The following FUNDC2 variants were observed in gnomAD, a reference collection of about 807,000 sequenced individuals.
FUNDC2 encodes FUN14 domain containing 2.
A neutral mutation model predicts 15.6 loss-of-function variants in FUNDC2; 4 were observed. That is an observed-to-expected ratio of 0.26 (90% CI 0.13 to 0.59). FUNDC2 has a LOEUF of 0.59. Ranked by LOEUF, FUNDC2 falls within the 20% of genes least tolerant of loss-of-function variation. The probability of loss-of-function intolerance (pLI) is 0.90; values close to 1 mark genes in which losing one functional copy is unlikely to be tolerated. For synonymous variants in FUNDC2, 44 were observed against 56.9 expected (o/e 0.77, Z 1.02); for missense variants, 98 against 149.7 (o/e 0.65, Z 1.80).
At chrX:155,053,178 A>G (rs1342871287) in intron 4 of FUNDC2, among the ~76,000 whole-genome samples, 1 of 112,690 alleles carries the variant, frequency 8.9e-6, no homozygotes, top group Non-Finnish European at 1.9e-5. Flanking sequence ...TGAAAACTTT[A>G]AAAATAATAC....
chrX:155,056,706 C>G lies in FUNDC2; in HGVS notation c.*2034C>G, dbSNP rs782248257. On this transcript the variant is annotated 3_prime_UTR_variant, in exon 5 of 5. Transcript: ENST00000369498. ...CCACTTTACCTGTGTGACTTACCCA[C>G]AGCAATGGGATGGTAACAGCAAAGC... The G allele has an allele frequency of 4.5e-5, 5 of 111,350 alleles. No homozygotes were observed. Among genetic ancestry groups the G allele is most frequent in the African/African-American group, 1.3e-4 (4 of 30,603 alleles). The allele number at this position is 111,350 out of a possible 1,213,427, so 9.2% of individuals were successfully genotyped here. A position where few individuals can be genotyped will look rare whatever the true frequency, so the allele number is the denominator to read the frequency against.
chrX:155,053,296 C>A, intron 4 of FUNDC2, among the ~76,000 whole-genome samples: 1 of 112,076 alleles, frequency 8.9e-6, no homozygotes, highest in East Asian at 2.8e-4. Context: ...GAATTGAGTT[C>A]ACTGTCACAG....
At chrX:155,030,181 C>T (rs1447043502) in intron 1 of FUNDC2, among the ~76,000 whole-genome samples, 5 of 109,529 alleles carry the variant, frequency 4.6e-5, no homozygotes, top group Admixed American at 9.8e-5. Context: ...TATTGTTGTA[C>T]CTCCTTTCTA....
At chrX:155,045,533 G>A (rs782221625) in intron 2 of FUNDC2, among the ~76,000 whole-genome samples, 5 of 112,171 alleles carry the variant, frequency 4.5e-5, no homozygotes, top group African/African-American at 6.5e-5. Context: ...AAAAGCTGCT[G>A]TAGGTCAGAT....
In FUNDC2 at chrX:155,056,653, A is replaced by G. The variant is rs1438741448; in HGVS notation, c.*1981A>G. 1 of 110,309 alleles carries G rather than the reference A, an allele frequency of 9.1e-6. No homozygotes were observed. The highest frequency in any genetic ancestry group is 1.9e-5 in the Non-Finnish European group (1 of 52,881). The allele number at this position is 110,309 out of a possible 1,213,427, so 9.1% of individuals were successfully genotyped here. On this transcript the variant is annotated 3_prime_UTR_variant, in exon 5 of 5. Coordinates refer to ENST00000369498, the MANE Select transcript of FUNDC2 (RefSeq NM_023934.4). ...CTCCTGACATCTGGGTCTCTGGGTT[A>G]TGCCATATATGGTGATAGTGGCTGC... is the stretch of plus-strand genomic sequence containing the variant.
intron 2 of FUNDC2, among the ~76,000 whole-genome samples, chrX:155,040,647 T>C (rs1448120349): frequency 8.9e-6 from 1 of 112,185 alleles, no homozygotes; most frequent in Non-Finnish European, 1.9e-5. Flanking sequence ...CTATGAACAT[T>C]GGGTATAAGT....
chrX:155,039,270 T>C (rs1431843229), intron 2 of FUNDC2, among the ~76,000 whole-genome samples: 1 of 112,578 alleles, frequency 8.9e-6, no homozygotes, highest in Non-Finnish European at 1.9e-5. Flanking sequence ...TTATCAGATA[T>C]ATGCTTTGCA....
At chrX:155,040,746 C>G (rs1341208604) in intron 2 of FUNDC2, among the ~76,000 whole-genome samples, 1 of 111,659 alleles carries the variant, frequency 9.0e-6, no homozygotes, top group East Asian at 2.8e-4. Flanking sequence ...TCTATGTTTA[C>G]TTTTTTGAGG....
Position 155,044,749 on chromosome X carries a change from C to T in FUNDC2, c.285-1760C>T, listed in dbSNP as rs782193430. Among the ~76,000 whole-genome samples the T allele has an allele frequency of 3.6e-5, 4 of 112,118 alleles. No individual in the cohort carries two copies. The South Asian group carries it at 1.1e-3, about 31-fold the overall frequency. ...GTGTGGAGAAAAAGGAACCCTAGTACACTGTTGGCGGGAATGTAGATTGTT... is the reference window on the plus strand; with the variant it reads ...GTGTGGAGAAAAAGGAACCCTAGTATACTGTTGGCGGGAATGTAGATTGTT... On this transcript the variant is annotated intron_variant, in intron 2 of 4. Transcript: ENST00000369498.
intron 3 of FUNDC2, 175 bp from the exon 4 acceptor site, chrX:155,051,495 C>T (rs782515832): frequency 1.5e-4 from 67 of 453,124 alleles, no homozygotes; most frequent in Non-Finnish European, 2.3e-4. Context: ...CATATGGCTT[C>T]GCATATAGGG....
At chrX:155,035,564 C>T (rs969032131) in intron 2 of FUNDC2, among the ~76,000 whole-genome samples, 20 of 112,001 alleles carry the variant, frequency 1.8e-4, no homozygotes, top group Admixed American at 1.7e-3. Flanking sequence ...TCCTTCATGC[C>T]ATCCTCCCGC....
At chrX:155,048,507 G>T (rs1178693616) in intron 3 of FUNDC2, among the ~76,000 whole-genome samples, 1 of 112,034 alleles carries the variant, frequency 8.9e-6, no homozygotes, top group Non-Finnish European at 1.9e-5. Context: ...GTCAACTTTC[G>T]ATCTTTATGA....
chrX:155,027,168 C>A (rs990330124), intron 1 of FUNDC2, 97 bp downstream of exon 1: 1 of 915,147 alleles, frequency 1.1e-6, no homozygotes, highest in East Asian at 4.3e-5. Flanking sequence ...CGACCGAGCT[C>A]CCCGGGGAGT....
intron 3 of FUNDC2, chrX:155,050,916 A>C (rs1043714352): frequency 8.0e-5 from 9 of 112,159 alleles, no homozygotes; most frequent in Non-Finnish European, 1.7e-4. Flanking sequence ...GAAGAGCAAC[A>C]ATGCAGGAGG....
intron 4 of FUNDC2, 54 bp downstream of exon 4, chrX:155,051,855 G>A: frequency 8.7e-7 from 1 of 1,147,088 alleles, no homozygotes. Context: ...CAAAAACAGG[G>A]CTTAACCCTA....
In FUNDC2 at chrX:155,058,169, G is replaced by C. The variant is rs782046658; in HGVS notation, c.*3497G>C. The C allele has an allele frequency of 2.7e-5, 3 of 111,505 alleles. No homozygotes were observed. Among genetic ancestry groups the C allele is most frequent in the African/African-American group, 6.5e-5 (2 of 30,615 alleles). 9.2% of individuals were successfully genotyped at this position (111,505 alleles called of 1,213,427 possible). On this transcript the variant is annotated 3_prime_UTR_variant, in exon 5 of 5. Transcript: ENST00000369498. ...ACTGGGGTGACAGTCCTTGCTACTGGATCTGGGCAGTTACTGTCTCATGGA... is the reference window on the plus strand; with the variant it reads ...ACTGGGGTGACAGTCCTTGCTACTGCATCTGGGCAGTTACTGTCTCATGGA...
chrX:155,055,471 AATACAAC>A lies in FUNDC2; in HGVS notation c.*802_*808del, dbSNP rs782567142. 88 of 290,580 alleles carry A rather than the reference AATACAAC, an allele frequency of 3.0e-4. 1 individual carries two copies. In the South Asian group the frequency reaches 7.9e-3, roughly 26 times the overall value. The allele number at this position is 290,580 out of a possible 1,213,427, so 23.9% of individuals were successfully genotyped here. ...TTTTTTTTTAATCTAGTTAGTATGAAATACAACATTTAAACCGGAATTTTAAAGAAGT... is the reference window on the plus strand; with the variant it reads ...TTTTTTTTTAATCTAGTTAGTATGAAATTTAAACCGGAATTTTAAAGAAGT... On this transcript the variant is annotated 3_prime_UTR_variant, in exon 5 of 5. Transcript: ENST00000369498.
chrX:155,035,951 G>A (rs2313058), intron 2 of FUNDC2, among the ~76,000 whole-genome samples: 38,068 of 110,726 alleles, frequency 0.34, 5,269 homozygotes, highest in African/African-American at 0.52. Flanking sequence ...CTTTTTAGCT[G>A]TTACAGATAA....
intron 2 of FUNDC2, among the ~76,000 whole-genome samples, chrX:155,038,262 G>A (rs782252018): frequency 9.0e-6 from 1 of 110,870 alleles, no homozygotes; most frequent in Non-Finnish European, 1.9e-5. Flanking sequence ...CACCAAAATT[G>A]TATTTATTTG....
Sources: allele counts gnomAD v4.1 joint callset (sites outside exome capture counted in the v4.1 genomes callset), GRCh38; gene constraint gnomAD v4.1.1; transcripts MANE v1.5; gene names NCBI Gene and HGNC (gene_info 2026-07-23, HGNC 2026-07-21).